SHE: variants seen among roughly 807,000 people sequenced by gnomAD.
The protein encoded by SHE is SH2 domain-containing adapter protein E.
In SHE, 11 loss-of-function variants were observed where a neutral mutation model predicts 49.8. The ratio of observed to expected loss-of-function variants is 0.22; its 90% CI spans 0.14 to 0.37. The LOEUF (loss-of-function observed/expected upper bound fraction) is 0.37, where lower values mean the gene tolerates loss of function less well. Among genes scored for constraint, SHE ranks in the 10% least tolerant of loss-of-function variants. The pLI, the probability that SHE is intolerant of heterozygous loss-of-function variation, is 1.00. For synonymous variants in SHE, 310 were observed against 278.1 expected (o/e 1.11, Z -1.14); for missense variants, 624 against 655.5 (o/e 0.95, Z 0.52).
Position 154,479,743 on chromosome 1 carries a change from G to A in SHE, c.*4406C>T. ...GGCTAAGAACTTGACAAAATGAGAC[G>A]CCTGTTTCAATGATTCTGTTGCCAG... On this transcript the variant is annotated 3_prime_UTR_variant, in exon 6 of 6. Coordinates refer to ENST00000304760, the MANE Select transcript of SHE (RefSeq NM_001010846.3). 1 of 985,304 alleles carries A rather than the reference G, an allele frequency of 1.0e-6. No individual in the cohort carries two copies. The highest frequency in any genetic ancestry group is 6.1e-5 in the Admixed American group (1 of 16,278). The allele number at this position is 985,304 out of a possible 1,614,324, so 61.0% of individuals were successfully genotyped here.
chr1:154,502,094 G>A lies in SHE; in HGVS notation c.-68C>T. ...ACGGCTGCTCCGTGCGCCCCCGGCC[G>A]GCCGTCGCCCACGCCCGGCAGGGTG... On this transcript the variant is annotated 5_prime_UTR_variant, in exon 1 of 6. Transcript: ENST00000304760. The A allele has an allele frequency of 1.2e-5, 14 of 1,184,770 alleles. No individual in the cohort carries two copies. Among genetic ancestry groups the A allele is most frequent in the Non-Finnish European group, 1.5e-5 (14 of 949,160 alleles). The allele number at this position is 1,184,770 out of a possible 1,614,324, so 73.4% of individuals were successfully genotyped here. A position where few individuals can be genotyped will look rare whatever the true frequency, so the allele number is the denominator to read the frequency against.
At position 154,484,056 on chromosome 1, in the gene SHE, G is replaced by A; in HGVS notation, c.*93C>T. ...CAAGGAAGACTCCCATTTTCTAGCAGTTGCTAGTCCAGCCTTGTCCTCTGA... is the reference window on the plus strand; with the variant it reads ...CAAGGAAGACTCCCATTTTCTAGCAATTGCTAGTCCAGCCTTGTCCTCTGA... On this transcript the variant is annotated 3_prime_UTR_variant, in exon 6 of 6. Coordinates refer to ENST00000304760, the MANE Select transcript of SHE (RefSeq NM_001010846.3). 6.7e-7 allele frequency: 1 copy of A among 1,491,100 alleles called. No individual in the cohort carries two copies. The highest frequency in any genetic ancestry group is 8.9e-7 in the Non-Finnish European group (1 of 1,118,360). 92.4% of individuals were successfully genotyped at this position (1,491,100 alleles called of 1,614,324 possible).
Position 154,481,411 on chromosome 1 carries a change from A to C in SHE, c.*2738T>G. ...CTCCTCTACTTTTAATTCTATAAAG[A>C]ATATAGTATGACTTGTCACAGAGAA... is the stretch of plus-strand genomic sequence containing the variant. On this transcript the variant is annotated 3_prime_UTR_variant, in exon 6 of 6. Transcript: ENST00000304760. The C allele has an allele frequency of 1.0e-6, 1 of 985,468 alleles. No homozygotes were observed. Among genetic ancestry groups the C allele is most frequent in the Non-Finnish European group, 1.2e-6 (1 of 829,938 alleles). The allele number at this position is 985,468 out of a possible 1,614,324, so 61.0% of individuals were successfully genotyped here.
chr1:154,502,120 G>A lies in SHE; in HGVS notation c.-94C>T, dbSNP rs1692803464. 2.9e-6 allele frequency: 3 copies of A among 1,030,870 alleles called. No homozygotes were observed. Among genetic ancestry groups the A allele is most frequent in the Non-Finnish European group, 3.7e-6 (3 of 813,874 alleles). The allele number at this position is 1,030,870 out of a possible 1,614,324, so 63.9% of individuals were successfully genotyped here. A position where few individuals can be genotyped will look rare whatever the true frequency, so the allele number is the denominator to read the frequency against. On this transcript the variant is annotated 5_prime_UTR_variant, in exon 1 of 6. Coordinates refer to ENST00000304760, the MANE Select transcript of SHE (RefSeq NM_001010846.3). ...GCCGTCGCCCACGCCCGGCAGGGTGGGGTTCTCACGGCTCGGGGCGCCGAG... is the reference window on the plus strand; with the variant it reads ...GCCGTCGCCCACGCCCGGCAGGGTGAGGTTCTCACGGCTCGGGGCGCCGAG...
chr1:154,498,358 A>AGT (rs1291419972), intron 2 of SHE, among the ~76,000 whole-genome samples: 1 of 145,212 alleles, frequency 6.9e-6, no homozygotes, highest in Non-Finnish European at 1.5e-5. Context: ...GACCTCCCAA[A>AGT]GTGCTGGGAT....
At chr1:154,470,638 G>A (rs1691719346) in intron 1 of SHE, among the ~76,000 whole-genome samples, 1 of 152,036 alleles carries the variant, frequency 6.6e-6, no homozygotes, top group African/African-American at 2.4e-5. Context: ...TCAGGAGTTC[G>A]AGACCAGCCT....
rs956917025 is a variant in SHE at position 154,502,041 on chromosome 1, G to A, written c.-15C>T. 14 of 1,278,722 alleles carry A rather than the reference G, an allele frequency of 1.1e-5. No homozygotes were observed. In the African/African-American group the frequency reaches 2.2e-4, roughly 20 times the overall value. 79.2% of individuals were successfully genotyped at this position (1,278,722 alleles called of 1,614,324 possible). On this transcript the variant is annotated 5_prime_UTR_variant, in exon 1 of 6. Coordinates refer to ENST00000304760, the MANE Select transcript of SHE (RefSeq NM_001010846.3). ...GACCACTGCATTCCCCGTGACTGGG[G>A]CGCTGGAGGCCGCGGCGAGGCCCCG...
Position 154,483,376 on chromosome 1 carries a change from C to G in SHE, c.*773G>C, listed in dbSNP as rs1225965160. 8 of 985,324 alleles carry G rather than the reference C, an allele frequency of 8.1e-6. No individual in the cohort carries two copies. Among genetic ancestry groups the G allele is most frequent in the Non-Finnish European group, 9.6e-6 (8 of 829,948 alleles). The allele number at this position is 985,324 out of a possible 1,614,324, so 61.0% of individuals were successfully genotyped here. On this transcript the variant is annotated 3_prime_UTR_variant, in exon 6 of 6. Coordinates refer to ENST00000304760, the MANE Select transcript of SHE (RefSeq NM_001010846.3). Reference sequence around the variant, plus strand: ...AGACCACCTTCTTGCCCGTCATTCACATTTTCTCCCGCTCATTCATTTCCC... The same window carrying G: ...AGACCACCTTCTTGCCCGTCATTCAGATTTTCTCCCGCTCATTCATTTCCC...
intron 5 of SHE, chr1:154,485,657 G>A (rs994763942): frequency 6.7e-6 from 2 of 297,554 alleles, no homozygotes; most frequent in South Asian, 7.8e-5. Flanking sequence ...TTTCTCTACT[G>A]AGAGGGCCTA....
intron 4 of SHE, 143 bp from the exon 5 acceptor site, chr1:154,486,205 G>C: frequency 8.5e-7 from 1 of 1,182,692 alleles, no homozygotes. Flanking sequence ...TTCACATTCA[G>C]AACAGACAAA....
Position 154,482,493 on chromosome 1 carries a change from A to T in SHE, c.*1656T>A. 2 of 985,366 alleles carry T rather than the reference A, an allele frequency of 2.0e-6. No individual in the cohort carries two copies. The highest frequency in any genetic ancestry group is 2.4e-6 in the Non-Finnish European group (2 of 829,840). The allele number at this position is 985,366 out of a possible 1,614,324, so 61.0% of individuals were successfully genotyped here. A position where few individuals can be genotyped will look rare whatever the true frequency, so the allele number is the denominator to read the frequency against. ...AGTAACTACAAAGGTATACTTTCCTAAAAAATTAACCAAATCAACATTTTG... is the reference window on the plus strand; with the variant it reads ...AGTAACTACAAAGGTATACTTTCCTTAAAAATTAACCAAATCAACATTTTG... On this transcript the variant is annotated 3_prime_UTR_variant, in exon 6 of 6. Transcript: ENST00000304760.
Position 154,487,856 on chromosome 1 carries a change from C to CAAA in SHE, c.1025-1176_1025-1174dup, listed in dbSNP as rs543109429. On this transcript the variant is annotated intron_variant, in intron 3 of 5. Coordinates refer to ENST00000304760, the MANE Select transcript of SHE (RefSeq NM_001010846.3). ...CAGAGTGAGACCCTGTCTCAAAAAA[C>CAAA]AAAAAAAAAAAAAGAAAAAAACTGA... 2.7e-4 allele frequency among the ~76,000 whole-genome samples: 33 copies of CAAA among 124,190 alleles called. 1 individual carries two copies. Among genetic ancestry groups the CAAA allele is most frequent in the South Asian group, 7.5e-4 (3 of 3,994 alleles). 81.5% of individuals were successfully genotyped at this position (124,190 alleles called of 152,430 possible). A position where few individuals can be genotyped will look rare whatever the true frequency, so the allele number is the denominator to read the frequency against.
At chr1:154,487,154 C>T (rs1488682084) in intron 3 of SHE, among the ~76,000 whole-genome samples, 1 of 151,808 alleles carries the variant, frequency 6.6e-6, no homozygotes, top group East Asian at 1.9e-4. Flanking sequence ...TGCTTGGAGT[C>T]CCAGCTACTT....
In SHE at chr1:154,489,109, C is replaced by T. The variant is rs765841759; in HGVS notation, c.966G>A (p.Ala322=). The part of the protein sequence containing the change: ...SRLPENDERP[A]AEYEQPWEWK... ...ACTCCCATGGCTGCTCGTACTCTGCCGCGGGCCTCTCGTCGTTCTCGGGCA... is the reference window on the plus strand; with the variant it reads ...ACTCCCATGGCTGCTCGTACTCTGCTGCGGGCCTCTCGTCGTTCTCGGGCA... The change falls in exon 3 of 6, where the codon GCG becomes GCA. Residue 322 remains alanine, a synonymous_variant. Coordinates refer to ENST00000304760, the MANE Select transcript of SHE (RefSeq NM_001010846.3). The T allele has an allele frequency of 6.2e-6, 10 of 1,612,954 alleles. No individual in the cohort carries two copies. The highest frequency in any genetic ancestry group is 1.3e-5 in the African/African-American group (1 of 75,036).
In SHE at chr1:154,482,009, G is replaced by GT. The variant is rs1692031516; in HGVS notation, c.*2139_*2140insA. The GT allele has an allele frequency of 6.6e-6, 1 of 151,912 alleles. No individual in the cohort carries two copies. The highest frequency in any genetic ancestry group is 1.3e-5 in the Non-Finnish European group (1 of 76,604). The allele number at this position is 151,912 out of a possible 1,614,324, so 9.4% of individuals were successfully genotyped here. On this transcript the variant is annotated 3_prime_UTR_variant, in exon 6 of 6. Coordinates refer to ENST00000304760, the MANE Select transcript of SHE (RefSeq NM_001010846.3). ...CCACAGGCATCCACCACCAGGCCAG[G>GT]CTTTTTTTTTTTTTTTTTTTTGAGA...
rs1307683824 is a variant in SHE at position 154,482,369 on chromosome 1, T to A, written c.*1780A>T. 2.0e-6 allele frequency: 2 copies of A among 985,236 alleles called. No individual in the cohort carries two copies. The highest frequency in any genetic ancestry group is 2.4e-6 in the Non-Finnish European group (2 of 829,918). The allele number at this position is 985,236 out of a possible 1,614,324, so 61.0% of individuals were successfully genotyped here. On this transcript the variant is annotated 3_prime_UTR_variant, in exon 6 of 6. Transcript: ENST00000304760. ...CCAGTGAGGAAAAGTTCCTCTTAAA[T>A]TTTTAAAATCAAAGATCACACAACC...
chr1:154,472,942 G>A (rs1691779054), intron 1 of SHE, among the ~76,000 whole-genome samples: 1 of 152,106 alleles, frequency 6.6e-6, no homozygotes, highest in Admixed American at 6.6e-5. Context: ...CAGGGGGATG[G>A]CTTGAGGCCA....
At chr1:154,497,703 A>G (rs1271808557) in intron 2 of SHE, among the ~76,000 whole-genome samples, 1 of 151,708 alleles carries the variant, frequency 6.6e-6, no homozygotes, top group Non-Finnish European at 1.5e-5. Flanking sequence ...TTTTTGAGAC[A>G]GAGTTTCCCT....
chr1:154,492,157 GT>G (rs1488275016), intron 2 of SHE, among the ~76,000 whole-genome samples: 1 of 152,206 alleles, frequency 6.6e-6, no homozygotes, highest in Non-Finnish European at 1.5e-5. Flanking sequence ...TGAGGTTATA[GT>G]TCTCTGCTGA....
Sources: gnomAD v4.1 joint callset for allele counts (sites outside exome capture counted in the v4.1 genomes callset) on GRCh38, gnomAD v4.1.1 for gene constraint, MANE v1.5 for transcripts, NCBI Gene and HGNC (gene_info 2026-07-23, HGNC 2026-07-21) for gene names.